The following ARMH4 variants were observed in gnomAD, a reference collection of about 807,000 sequenced individuals.
ARMH4 encodes armadillo-like helical domain-containing protein 4.
In ARMH4, 49 loss-of-function variants were observed where a neutral mutation model predicts 61.9. That is an observed-to-expected ratio of 0.79 (90% CI 0.63 to 1.00). ARMH4 has a LOEUF of 1.00. ARMH4 is among the 50% of genes least tolerant of loss of function. The pLI, the probability that ARMH4 is intolerant of heterozygous loss-of-function variation, is 0.00. For synonymous variants in ARMH4, 368 were observed against 341.5 expected (o/e 1.08, Z -0.85); for missense variants, 934 against 930.0 (o/e 1.00, Z -0.06).
At chr14:58,056,621 G>A (rs930510227) in intron 5 of ARMH4, among the ~76,000 whole-genome samples, 4 of 152,188 alleles carry the variant, frequency 2.6e-5, no homozygotes, top group Admixed American at 1.3e-4. Context: ...AAACTGAGGT[G>A]CAAGGGGTTA....
chr14:58,061,518 C>T (rs1458419743), intron 5 of ARMH4, among the ~76,000 whole-genome samples: 2 of 152,190 alleles, frequency 1.3e-5, no homozygotes, highest in Non-Finnish European at 2.9e-5. Flanking sequence ...TCCCTGCTAT[C>T]CTCTCCAAAG....
chr14:58,066,556 C>T (rs1422022722), intron 5 of ARMH4, among the ~76,000 whole-genome samples: 1 of 151,934 alleles, frequency 6.6e-6, no homozygotes, highest in African/African-American at 2.4e-5. Context: ...TGGTTAGTGG[C>T]TAATTTTATG....
At chr14:58,014,546 C>G (rs1429463897) in intron 5 of ARMH4, among the ~76,000 whole-genome samples, 1 of 152,016 alleles carries the variant, frequency 6.6e-6, no homozygotes. Context: ...AAATCCAGGG[C>G]AGGAGGGGAA....
intron 5 of ARMH4, among the ~76,000 whole-genome samples, chr14:58,054,869 CAAA>C (rs72336341): frequency 0.021 from 2,237 of 104,058 alleles, 65 homozygotes; most frequent in African/African-American, 0.077. Flanking sequence ...GACTCTGTCT[CAAA>C]AAAAAAAAAA....
intron 5 of ARMH4, among the ~76,000 whole-genome samples, chr14:58,060,772 T>C (rs1261725803): frequency 1.3e-5 from 2 of 152,146 alleles, no homozygotes; most frequent in Non-Finnish European, 2.9e-5. Flanking sequence ...CTCCGGGGTG[T>C]TTGGGCTGGC....
At chr14:58,127,270 T>C (rs369556912) in intron 4 of ARMH4, among the ~76,000 whole-genome samples, 2 of 152,174 alleles carry the variant, frequency 1.3e-5, no homozygotes, top group African/African-American at 2.4e-5. Context: ...CCATGTGCCA[T>C]GGGAGGGACC....
At chr14:58,043,439 T>C (rs1419322612) in intron 5 of ARMH4, among the ~76,000 whole-genome samples, 1 of 152,178 alleles carries the variant, frequency 6.6e-6, no homozygotes, top group Non-Finnish European at 1.5e-5. Flanking sequence ...CAATTAGGTA[T>C]TGATGGGACG....
chr14:58,139,911 G>T (rs1012958764), intron 1 of ARMH4, among the ~76,000 whole-genome samples: 7 of 152,180 alleles, frequency 4.6e-5, no homozygotes, highest in Non-Finnish European at 7.4e-5. Flanking sequence ...TAGGAAGTAA[G>T]GCCTTTGAGA....
At chr14:58,085,618 A>G (rs919271836) in intron 5 of ARMH4, among the ~76,000 whole-genome samples, 3 of 152,302 alleles carry the variant, frequency 2.0e-5, no homozygotes, top group Admixed American at 6.5e-5. Flanking sequence ...AATAAAAGAA[A>G]TGTGATTTTT....
At chr14:58,095,306 G>A (rs1885712601) in intron 5 of ARMH4, among the ~76,000 whole-genome samples, 1 of 152,134 alleles carries the variant, frequency 6.6e-6, no homozygotes. Context: ...ATAGTATAAA[G>A]CTGTGCACAA....
At chr14:58,134,956 C>CAA (rs199939980) in intron 2 of ARMH4, among the ~76,000 whole-genome samples, 10,076 of 73,628 alleles carry the variant, frequency 0.14, 730 homozygotes, top group African/African-American at 0.24. Context: ...GACTCTGTCT[C>CAA]AAAAAAAAAA....
intron 4 of ARMH4, among the ~76,000 whole-genome samples, chr14:58,107,421 C>A (rs1351684507): frequency 6.6e-6 from 1 of 152,140 alleles, no homozygotes; most frequent in Non-Finnish European, 1.5e-5. Context: ...TCAAATTTCT[C>A]TTTTAGTGGC....
At chr14:58,021,684 C>T (rs537848365) in intron 5 of ARMH4, among the ~76,000 whole-genome samples, 1 of 152,026 alleles carries the variant, frequency 6.6e-6, no homozygotes, top group East Asian at 1.9e-4. Context: ...ATCCTGGTTC[C>T]CCAACATTTA....
chr14:58,004,364 T>G lies in ARMH4; in HGVS notation c.*372A>C, dbSNP rs115792653. ...TATCTCAGAGTCAAGCATGCCTTGG[T>G]GGCAACAATCATTATTCTCAATGCA... On this transcript the variant is annotated 3_prime_UTR_variant, in exon 8 of 8. Transcript: ENST00000267485. 0.013 allele frequency: 2,154 copies of G among 163,922 alleles called. 55 individuals carry two copies. The highest frequency in any genetic ancestry group is 0.049 in the African/African-American group (2,038 of 41,868). The allele number at this position is 163,922 out of a possible 1,614,324, so 10.2% of individuals were successfully genotyped here.
intron 5 of ARMH4, among the ~76,000 whole-genome samples, chr14:58,014,533 C>G (rs181023510): frequency 6.6e-6 from 1 of 152,186 alleles, no homozygotes; most frequent in East Asian, 1.9e-4. Context: ...GTGTTTAGTA[C>G]AGAAATCCAG....
intron 5 of ARMH4, among the ~76,000 whole-genome samples, chr14:58,027,770 T>C (rs1293113285): frequency 2.6e-5 from 4 of 152,206 alleles, no homozygotes; most frequent in Admixed American, 6.5e-5. Context: ...GATATGTTTA[T>C]GGCTTTGGTG....
intron 5 of ARMH4, among the ~76,000 whole-genome samples, chr14:58,092,924 G>A (rs1330824953): frequency 6.6e-6 from 1 of 151,666 alleles, no homozygotes; most frequent in Non-Finnish European, 1.5e-5. Flanking sequence ...TATGGTTTGG[G>A]TGTGCCCCAA....
At chr14:58,009,672 A>T (rs11626754) in intron 6 of ARMH4, among the ~76,000 whole-genome samples, 1 of 151,778 alleles carries the variant, frequency 6.6e-6, no homozygotes, top group Non-Finnish European at 1.5e-5. Context: ...TTAATTTGGC[A>T]TAGTGGTGCA....
chr14:58,030,123 T>C (rs531022507), intron 5 of ARMH4, among the ~76,000 whole-genome samples: 2 of 152,320 alleles, frequency 1.3e-5, no homozygotes, highest in Admixed American at 6.5e-5. Context: ...TGCTAAGGGA[T>C]AGAAGATGGG....
Sources: gnomAD v4.1 joint callset for allele counts (sites outside exome capture counted in the v4.1 genomes callset) on GRCh38, gnomAD v4.1.1 for gene constraint, MANE v1.5 for transcripts, NCBI Gene and HGNC (gene_info 2026-07-23, HGNC 2026-07-21) for gene names.